CCND3: variants seen among roughly 807,000 people sequenced by gnomAD.
CCND3 encodes G1/S-specific cyclin-D3.
CCND3 carries 9 observed loss-of-function variants against 28.7 expected under a neutral mutation model. That is an observed-to-expected ratio of 0.31 (90% CI 0.19 to 0.55). The LOEUF is 0.55. Among genes scored for constraint, CCND3 ranks in the 20% least tolerant of loss-of-function variants. The pLI is 0.93. For synonymous variants in CCND3, 164 were observed against 163.9 expected, an observed-to-expected ratio of 1.00 and a Z score of 0.00; for missense variants, 315 against 385.8, an observed-to-expected ratio of 0.82 and a Z score of 1.54.
intron 1 of CCND3, among the ~76,000 whole-genome samples, chr6:41,975,851 G>GTT (rs199721846): frequency 6.7e-6 from 1 of 150,066 alleles, no homozygotes; most frequent in African/African-American, 2.5e-5. Context: ...GTTTTTGTCT[G>GTT]TTTTTTTTGA....
chr6:41,959,679 T>TCCGTCTAAAAAAAAAAAAAA (rs772818142), intron 1 of CCND3, among the ~76,000 whole-genome samples: 1 of 147,120 alleles, frequency 6.8e-6, no homozygotes, highest in African/African-American at 2.6e-5. Flanking sequence ...ACAGCAAGAC[T>TCCGTCTAAAAAAAAAAAAAA]AAATCAGGCC....
intron 1 of CCND3, among the ~76,000 whole-genome samples, chr6:41,982,576 C>G (rs984283748): frequency 1.3e-5 from 2 of 152,098 alleles, no homozygotes; most frequent in Non-Finnish European, 2.9e-5. Context: ...TAGTGACAAA[C>G]TGATTGTAAA....
At chr6:41,959,484 A>T (rs1038008787) in intron 1 of CCND3, among the ~76,000 whole-genome samples, 7 of 151,480 alleles carry the variant, frequency 4.6e-5, no homozygotes, top group African/African-American at 1.7e-4. Context: ...GGAGATTGAG[A>T]CCATCCTGGC....
intron 1 of CCND3, among the ~76,000 whole-genome samples, chr6:42,025,242 G>C (rs899966061): frequency 1.3e-5 from 2 of 152,184 alleles, no homozygotes; most frequent in Non-Finnish European, 1.5e-5. Context: ...CCAGGGCAGG[G>C]GGACCTCTCT....
chr6:42,036,878 T>G (rs1764235014), intron 1 of CCND3, among the ~76,000 whole-genome samples: 1 of 152,212 alleles, frequency 6.6e-6, no homozygotes, highest in Admixed American at 6.5e-5. Context: ...CTTCTCATTA[T>G]TTTTGTTTTG....
chr6:41,983,035 T>C (rs1428036086), intron 1 of CCND3, among the ~76,000 whole-genome samples: 2 of 151,938 alleles, frequency 1.3e-5, no homozygotes, highest in East Asian at 3.9e-4. Flanking sequence ...TTGGGTAGAG[T>C]GATGACTTTT....
chr6:41,959,482 A>G (rs939913305), intron 1 of CCND3, among the ~76,000 whole-genome samples: 1 of 152,032 alleles, frequency 6.6e-6, no homozygotes, highest in African/African-American at 2.4e-5. Context: ...CAGGAGATTG[A>G]GACCATCCTG....
rs902098094 is a variant in CCND3 at position 41,939,817 on chromosome 6, G to A, written c.414+553C>T. 6.6e-6 allele frequency among the ~76,000 whole-genome samples: 1 copy of A among 152,186 alleles called. No individual in the cohort carries two copies. Among genetic ancestry groups the A allele is most frequent in the African/African-American group, 2.4e-5 (1 of 41,448 alleles). ...AGAAGCTGTTTCTTCCGGGATATAA[G>A]AGGAAGCAAAGAAGGTGGGATGAAA... On this transcript the variant is annotated intron_variant, in intron 2 of 4. Transcript: ENST00000372991. This position sits in a 1 kb window ranked among gnomAD's most constrained non-coding sequence, Gnocchi z 4.2.
intron 1 of CCND3, among the ~76,000 whole-genome samples, chr6:41,949,288 C>T (rs1462795128): frequency 6.6e-6 from 1 of 151,844 alleles, no homozygotes; most frequent in Non-Finnish European, 1.5e-5. Context: ...TCAAGACCAG[C>T]GAGGCCAGGC....
At chr6:41,961,211 C>T (rs969997557) in intron 1 of CCND3, among the ~76,000 whole-genome samples, 3 of 152,144 alleles carry the variant, frequency 2.0e-5, no homozygotes, top group East Asian at 3.8e-4. Context: ...TGGTGGCTCA[C>T]GCCTGTAATC....
At chr6:42,045,400 G>A (rs368303304) in intron 1 of CCND3, among the ~76,000 whole-genome samples, 3 of 152,170 alleles carry the variant, frequency 2.0e-5, no homozygotes, top group East Asian at 3.8e-4. Context: ...GGAGATAGAG[G>A]TGTTTACTAC....
chr6:42,035,725 C>G (rs1582187856), intron 1 of CCND3, among the ~76,000 whole-genome samples: 1 of 142,216 alleles, frequency 7.0e-6, no homozygotes, highest in South Asian at 2.2e-4. Context: ...TCTCCCAGGC[C>G]AGAGTACAGT....
intron 1 of CCND3, among the ~76,000 whole-genome samples, chr6:42,026,120 G>A (rs761451627): frequency 2.6e-5 from 4 of 152,088 alleles, no homozygotes; most frequent in Admixed American, 2.0e-4. Flanking sequence ...GTTAGGTCTC[G>A]TTTGAAAATA....
At chr6:41,992,795 A>G (rs1762694086) in intron 1 of CCND3, among the ~76,000 whole-genome samples, 1 of 151,886 alleles carries the variant, frequency 6.6e-6, no homozygotes, top group Admixed American at 6.6e-5. Context: ...CCTAGGCTAG[A>G]GTATGGTTCC....
At chr6:41,987,257 TG>T (rs1762503401) in intron 1 of CCND3, among the ~76,000 whole-genome samples, 1 of 152,044 alleles carries the variant, frequency 6.6e-6, no homozygotes, top group Non-Finnish European at 1.5e-5. Context: ...CCTGTAACAT[TG>T]GCTCCAAAGG....
intron 1 of CCND3, among the ~76,000 whole-genome samples, chr6:42,027,606 C>A (rs1763917125): frequency 6.6e-6 from 1 of 152,162 alleles, no homozygotes; most frequent in African/African-American, 2.4e-5. Context: ...TCAGGCCAAC[C>A]CAACCCATGG....
At chr6:42,036,306 T>TTATATATATATATATA (rs566638387) in intron 1 of CCND3, among the ~76,000 whole-genome samples, 77 of 130,668 alleles carry the variant, frequency 5.9e-4, no homozygotes, top group East Asian at 4.6e-3. Context: ...AAATTATTAT[T>TTATATATATATATATA]TATATATATA....
chr6:42,026,520 T>C (rs562491099), intron 1 of CCND3, among the ~76,000 whole-genome samples: 3 of 152,138 alleles, frequency 2.0e-5, no homozygotes, highest in South Asian at 2.1e-4. Context: ...GCTGGGAACA[T>C]TTTTCTCCCA....
At chr6:42,013,683 T>C (rs1038836677) in intron 1 of CCND3, among the ~76,000 whole-genome samples, 2 of 152,220 alleles carry the variant, frequency 1.3e-5, no homozygotes, top group Non-Finnish European at 2.9e-5. Flanking sequence ...TTTTATATTG[T>C]TAAATTTTCA....
Sources: allele counts gnomAD v4.1 joint callset (sites outside exome capture counted in the v4.1 genomes callset), GRCh38; gene constraint gnomAD v4.1.1; non-coding constraint Gnocchi (gnomAD v3.1); transcripts MANE v1.5; gene names NCBI Gene and HGNC (gene_info 2026-07-23, HGNC 2026-07-21).